Variants in ACO2 observed in about 807,000 individuals in gnomAD.
ACO2 encodes the protein aconitase 2.
Under a neutral mutation model 84.5 loss-of-function variants are expected in ACO2, and 31 were observed. The observed-to-expected ratio is 0.37, with a 90% CI of 0.28 to 0.50. The LOEUF is 0.50. Ranked by LOEUF, ACO2 falls within the 20% of genes least tolerant of loss-of-function variation. ACO2 has a pLI of 0.97. For missense variants in ACO2, 685 were observed against 1,029.3 expected (o/e 0.67, Z 4.58); for synonymous variants, 414 against 412.7 (o/e 1.00, Z -0.04).
intron 1 of ACO2, among the ~76,000 whole-genome samples, chr22:41,470,514 T>C (rs1047321213): frequency 7.4e-5 from 11 of 148,750 alleles, no homozygotes; most frequent in Non-Finnish European, 5.9e-5. Context: ...TTGCACCTAA[T>C]TATCTCTTTA....
At chr22:41,527,633 C>A in intron 16 of ACO2, 1 of 810,566 alleles carries the variant, frequency 1.2e-6, no homozygotes, top group Non-Finnish European at 1.9e-6. Flanking sequence ...GCTTGTAGAT[C>A]TGAGCCGCTG....
At chr22:41,489,089 A>G (rs1004791889) in intron 1 of ACO2, among the ~76,000 whole-genome samples, 2 of 151,888 alleles carry the variant, frequency 1.3e-5, no homozygotes, top group Non-Finnish European at 2.9e-5. Flanking sequence ...TCCAGGCTGG[A>G]GTGCAGTGGC....
At position 41,528,522 on chromosome 22, in the gene ACO2, C is replaced by T; in HGVS notation, c.2252C>T (p.Thr751Ile). Residue 751 changes from threonine (T) to isoleucine (I), a missense_variant, in exon 18 of 18, where the codon ACC (threonine) becomes ATC (isoleucine). Around this residue, in one of 5 missense-constraint regions of ACO2, gnomAD observed 174 missense variants for 236.6 expected, o/e 0.74. Coordinates refer to ENST00000216254, the MANE Select transcript of ACO2 (RefSeq NM_001098.3). The part of the protein sequence containing the change: ...IIKHPNGTQE[T>I]ILLNHTFNET... ...AAGCACCCCAACGGGACCCAGGAGA[C>T]CATCCTCCTGAACCACACCTTCAAC... 6.2e-7 allele frequency: 1 copy of T among 1,612,962 alleles called. No homozygotes were observed. The highest frequency in any genetic ancestry group is 8.5e-7 in the Non-Finnish European group (1 of 1,180,024).
At chr22:41,511,476 C>T (rs117366688) in intron 3 of ACO2, among the ~76,000 whole-genome samples, 17 of 152,350 alleles carry the variant, frequency 1.1e-4, no homozygotes, top group Non-Finnish European at 2.2e-4. Context: ...CCAGCCACTG[C>T]GCCTAGGCCA....
chr22:41,518,787 A>T (rs1019919367), intron 8 of ACO2, among the ~76,000 whole-genome samples: 2 of 152,126 alleles, frequency 1.3e-5, no homozygotes, highest in East Asian at 1.9e-4. Flanking sequence ...AAAAAAAAAA[A>T]ATACAAAAAT....
intron 9 of ACO2, chr22:41,521,260 A>G (rs1601923947): frequency 6.6e-6 from 1 of 152,192 alleles, no homozygotes; most frequent in African/African-American, 2.4e-5. Context: ...TATATCACCC[A>G]TGCTGCTTTA....
chr22:41,516,272 G>A lies in ACO2; in HGVS notation c.835+355G>A, dbSNP rs896016612. 1.1e-5 allele frequency: 6 copies of A among 549,712 alleles called. No homozygotes were observed. The Admixed American group carries it at 1.5e-4, about 14-fold the overall frequency. The allele number at this position is 549,712 out of a possible 1,614,324, so 34.1% of individuals were successfully genotyped here. On this transcript the variant is annotated intron_variant, in intron 6 of 17. Transcript: ENST00000216254. The stretch of plus-strand genomic sequence containing the variant: ...CCAGAGAGGACAGAGGCAGTGGTGG[G>A]AATGGGCAGAGCCAGGGCTTCATTC...
Position 41,528,710 on chromosome 22 carries a change from A to T in ACO2, c.*97A>T, listed in dbSNP as rs975000708. On this transcript the variant is annotated 3_prime_UTR_variant, in exon 18 of 18. Coordinates refer to ENST00000216254, the MANE Select transcript of ACO2 (RefSeq NM_001098.3). Reference sequence around the variant, plus strand: ...TCCAGCCATGGCTTCCTATTCCAAGATGGTGTGACCAGACATGCTTCCTGC... The same window carrying T: ...TCCAGCCATGGCTTCCTATTCCAAGTTGGTGTGACCAGACATGCTTCCTGC... 6 of 1,499,906 alleles carry T rather than the reference A, an allele frequency of 4.0e-6. No individual in the cohort carries two copies. The highest frequency in any genetic ancestry group is 5.4e-6 in the Non-Finnish European group (6 of 1,119,280). The allele number at this position is 1,499,906 out of a possible 1,614,324, so 92.9% of individuals were successfully genotyped here.
intron 1 of ACO2, among the ~76,000 whole-genome samples, chr22:41,495,794 G>A (rs2066309173): frequency 6.6e-6 from 1 of 150,502 alleles, no homozygotes; most frequent in Admixed American, 6.6e-5. Flanking sequence ...GTAGAGACGG[G>A]GTTTCACCGT....
At chr22:41,521,512 G>A (rs892064387) in intron 9 of ACO2, 1 of 152,238 alleles carries the variant, frequency 6.6e-6, no homozygotes, top group African/African-American at 2.4e-5. Flanking sequence ...TGACACCTTT[G>A]AAGGTGGTGT....
intron 9 of ACO2, among the ~76,000 whole-genome samples, chr22:41,522,318 G>A (rs1026118441): frequency 9.2e-5 from 14 of 152,142 alleles, no homozygotes; most frequent in Admixed American, 8.5e-4. Context: ...CAGCCTGGGC[G>A]ACAGAGCAAG....
At chr22:41,501,717 G>T (rs924745374) in intron 2 of ACO2, among the ~76,000 whole-genome samples, 1 of 152,160 alleles carries the variant, frequency 6.6e-6, no homozygotes, top group African/African-American at 2.4e-5. Context: ...TGCATGAGTG[G>T]TGGTGTCTCG....
intron 1 of ACO2, among the ~76,000 whole-genome samples, chr22:41,498,338 G>C (rs2066330196): frequency 6.6e-6 from 1 of 151,892 alleles, no homozygotes; most frequent in Non-Finnish European, 1.5e-5. Flanking sequence ...AACTAATACA[G>C]ATCCCACCAT....
intron 16 of ACO2, chr22:41,527,653 A>T (rs767120447): frequency 8.5e-5 from 67 of 789,680 alleles, no homozygotes; most frequent in Middle Eastern, 3.6e-4. Context: ...GAGATCTAGG[A>T]CATGTGCCAG....
At chr22:41,473,456 A>G (rs754769121) in intron 1 of ACO2, among the ~76,000 whole-genome samples, 2 of 152,214 alleles carry the variant, frequency 1.3e-5, no homozygotes, top group Non-Finnish European at 2.9e-5. Context: ...GTGAACCGAG[A>G]TCACGCCATT....
intron 15 of ACO2, 95 bp from the exon 16 acceptor site, chr22:41,527,193 C>T: frequency 6.3e-7 from 1 of 1,584,300 alleles, no homozygotes; most frequent in South Asian, 1.1e-5. Context: ...TCAGGATGCC[C>T]AGGCGCCAGG....
intron 1 of ACO2, among the ~76,000 whole-genome samples, chr22:41,488,123 A>C (rs2066244884): frequency 6.6e-6 from 1 of 152,172 alleles, no homozygotes; most frequent in Non-Finnish European, 1.5e-5. Flanking sequence ...AGCAACTATA[A>C]TACTACAGCA....
intron 15 of ACO2, chr22:41,526,833 G>A: frequency 3.4e-6 from 1 of 295,306 alleles, no homozygotes; most frequent in Admixed American, 4.7e-5. Context: ...TCTGCTTTGA[G>A]AAACAAACAG....
chr22:41,523,174 T>G, intron 10 of ACO2, 31 bp from the exon 11 acceptor site: 2 of 1,598,944 alleles, frequency 1.3e-6, no homozygotes, highest in South Asian at 1.1e-5. Flanking sequence ...TCACCCACCC[T>G]TGACATTCTG....
Sources: allele counts gnomAD v4.1 joint callset (sites outside exome capture counted in the v4.1 genomes callset), GRCh38; gene constraint gnomAD v4.1.1; regional missense constraint gnomAD v4.1.1; transcripts MANE v1.5; gene names NCBI Gene and HGNC (gene_info 2026-07-23, HGNC 2026-07-21).